The following PAQR3 variants were observed in gnomAD, a reference collection of about 807,000 sequenced individuals.
The protein encoded by PAQR3 is progestin and adipoQ receptor family member 3, also known as Raf kinase trapping to Golgi.
PAQR3 carries 39 observed loss-of-function variants against 41.7 expected under a neutral mutation model. The ratio of observed to expected loss-of-function variants is 0.93; its 90% CI spans 0.72 to 1.22. The LOEUF is 1.22. Among genes scored for constraint, PAQR3 ranks in the 50% most tolerant of loss-of-function variants. The probability of loss-of-function intolerance (pLI) is 0.00; values close to 1 mark genes in which losing one functional copy is unlikely to be tolerated. For synonymous variants in PAQR3, 140 were observed against 140.6 expected (o/e 1.00, Z 0.03); for missense variants, 366 against 385.6 (o/e 0.95, Z 0.42).
At position 78,939,360 on chromosome 4, in the gene PAQR3, G is replaced by T; in HGVS notation, c.-136C>A. 1 of 709,608 alleles carries T rather than the reference G, an allele frequency of 1.4e-6. No individual in the cohort carries two copies. Among genetic ancestry groups the T allele is most frequent in the Non-Finnish European group, 2.0e-6 (1 of 501,958 alleles). 44.0% of individuals were successfully genotyped at this position (709,608 alleles called of 1,614,324 possible). On this transcript the variant is annotated 5_prime_UTR_variant, in exon 1 of 6. Coordinates refer to ENST00000512733, the MANE Select transcript of PAQR3 (RefSeq NM_001040202.2). ...GAGGTCCTACCGCGCTGCCGCTGCT[G>T]CCCAGGGCCCGGCTCTGCGCTCACA...
intron 11 of PAQR3, among the ~76,000 whole-genome samples, chr4:78,888,349 C>G (rs562674983): frequency 1.3e-5 from 2 of 152,230 alleles, no homozygotes; most frequent in Admixed American, 1.3e-4. Flanking sequence ...CCTTATACCC[C>G]CAATACCCTG....
At chr4:78,887,305 C>A in exon 13 of PAQR3, 1 of 1,501,448 alleles carries the variant, frequency 6.7e-7, no homozygotes, top group Non-Finnish European at 9.2e-7. Context: ...CATGTAACAT[C>A]ATCACTGTCA....
At position 78,935,170 on chromosome 4, in the gene PAQR3, G is replaced by T; in HGVS notation, c.299C>A (p.Ala100Glu). The change falls in exon 2 of 6, where the codon GCG (alanine) becomes GAG (glutamate). Residue 100 changes from alanine to glutamate, a missense_variant. Transcript: ENST00000512733. ...ACAAATTACAAAATCTTCTCTGGACGCACTTGCTGAAGGTAACACAGATGT... is the reference window on the plus strand; with the variant it reads ...ACAAATTACAAAATCTTCTCTGGACTCACTTGCTGAAGGTAACACAGATGT... ...DMTSVLPSAS[A>E]SREDFVICSI... 1 of 1,613,688 alleles carries T rather than the reference G, an allele frequency of 6.2e-7. No homozygotes were observed. The highest frequency in any genetic ancestry group is 8.5e-7 in the Non-Finnish European group (1 of 1,179,766).
downstream of PAQR3, among the ~76,000 whole-genome samples, chr4:78,910,144 A>T (rs909769308): frequency 3.3e-5 from 5 of 152,254 alleles, no homozygotes; most frequent in Non-Finnish European, 5.9e-5. Context: ...ATTTAAAAAA[A>T]TAGTGAAACA....
At chr4:78,921,978 A>G (rs1735701066) in intron 5 of PAQR3, 1 of 983,972 alleles carries the variant, frequency 1.0e-6, no homozygotes, top group Non-Finnish European at 1.2e-6. Context: ...CCTATATTAA[A>G]CAATTGGTAA....
chr4:78,938,249 T>A (rs920208556), intron 1 of PAQR3, among the ~76,000 whole-genome samples: 2 of 152,218 alleles, frequency 1.3e-5, no homozygotes, highest in African/African-American at 4.8e-5. Flanking sequence ...TGTATTTTAG[T>A]ACAGGTAGTA....
chr4:78,909,533 C>T (rs575548169), downstream of PAQR3, among the ~76,000 whole-genome samples: 16 of 152,272 alleles, frequency 1.1e-4, no homozygotes, highest in African/African-American at 3.9e-4. Flanking sequence ...GTACCTGATC[C>T]TCCCTTGCTC....
Position 78,915,227 on chromosome 4 carries a change from A to G in PAQR3, c.*5312T>C, listed in dbSNP as rs1218580212. Reference sequence around the variant, plus strand: ...AGTCTTACCCTGTTTATTGTTTAAGAGTGATAGACTGTTGTCCTCTTGCTG... The same window carrying G: ...AGTCTTACCCTGTTTATTGTTTAAGGGTGATAGACTGTTGTCCTCTTGCTG... On this transcript the variant is annotated 3_prime_UTR_variant, in exon 6 of 6. Transcript: ENST00000512733. 1 of 151,960 alleles carries G rather than the reference A, an allele frequency of 6.6e-6. No homozygotes were observed. 9.4% of individuals were successfully genotyped at this position (151,960 alleles called of 1,614,324 possible). A position where few individuals can be genotyped will look rare whatever the true frequency, so the allele number is the denominator to read the frequency against.
downstream of PAQR3, chr4:78,910,920 TGAAGATGAG>T: frequency 6.2e-7 from 1 of 1,613,936 alleles, no homozygotes; most frequent in Non-Finnish European, 8.5e-7. Flanking sequence ...TCATGGATTC[TGAAGATGAG>T]GAAGAAGAGG....
intron 2 of PAQR3, 171 bp from the exon 3 acceptor site, chr4:78,930,496 C>A: frequency 2.2e-6 from 1 of 459,674 alleles, no homozygotes. Context: ...ACATGTAGAG[C>A]CATGTAGAGC....
Position 78,935,262 on chromosome 4 carries a change from C to T in PAQR3, c.207G>A (p.Glu69=), listed in dbSNP as rs375848091. The T allele has an allele frequency of 6.2e-7, 1 of 1,610,506 alleles. No individual in the cohort carries two copies. Among genetic ancestry groups the T allele is most frequent in the Non-Finnish European group, 8.5e-7 (1 of 1,179,132 alleles). The change falls in exon 2 of 6, where the codon GAG becomes GAA. Residue 69 remains glutamate, a synonymous_variant. Transcript: ENST00000512733. ...GCAAATGACTCCAGATGTTTACTGT[C>T]TCATTAGATAAAATAAACAAACTGG... ...CIKSLFILSN[E]TVNIWSHLLG...
downstream of PAQR3, chr4:78,910,762 G>A: frequency 6.2e-7 from 1 of 1,613,854 alleles, no homozygotes; most frequent in East Asian, 2.2e-5. Context: ...GGGGAATGAT[G>A]AATCTGAAAG....
rs530867757 is a variant in PAQR3 at position 78,921,838 on chromosome 4, T to G, written c.794-1157A>C. ...TCACTTTTCACTGGAAAGACTTAAT[T>G]TTTTAGTTTCCATATCTCCACTGCT... On this transcript the variant is annotated intron_variant, in intron 5 of 5. Coordinates refer to ENST00000512733, the MANE Select transcript of PAQR3 (RefSeq NM_001040202.2). 1.6e-4 allele frequency: 155 copies of G among 985,130 alleles called. No individual in the cohort carries two copies. In the African/African-American group the frequency reaches 2.5e-3, roughly 16 times the overall value. The allele number at this position is 985,130 out of a possible 1,614,324, so 61.0% of individuals were successfully genotyped here. A position where few individuals can be genotyped will look rare whatever the true frequency, so the allele number is the denominator to read the frequency against.
chr4:78,897,013 C>T (rs1349823008), intron 11 of PAQR3, among the ~76,000 whole-genome samples: 1 of 151,976 alleles, frequency 6.6e-6, no homozygotes, highest in Non-Finnish European at 1.5e-5. Context: ...TGATAGTTTC[C>T]TCTCTTGAAA....
At chr4:78,911,132 C>T (rs1560560276), downstream of PAQR3, 1 of 1,613,998 alleles carries the variant, frequency 6.2e-7, no homozygotes, top group East Asian at 2.2e-5. Context: ...GGCGCTGTCC[C>T]CTTCTTTGCA....
At chr4:78,938,945 G>T in intron 1 of PAQR3, 95 bp downstream of exon 1, 1 of 1,236,216 alleles carries the variant, frequency 8.1e-7, no homozygotes, top group Non-Finnish European at 1.1e-6. Context: ...GAAATGATGG[G>T]CAAGCAGAAA....
intron 11 of PAQR3, among the ~76,000 whole-genome samples, chr4:78,897,437 A>G (rs1010001179): frequency 1.3e-5 from 2 of 151,484 alleles, no homozygotes; most frequent in Admixed American, 1.3e-4. Context: ...TGTCTCTGCT[A>G]TAATTGAATT....
chr4:78,887,173 G>C lies in PAQR3; in HGVS notation c.*1061C>G, dbSNP rs764818149. On this transcript the variant is annotated 3_prime_UTR_variant and NMD_transcript_variant, in exon 13 of 13. Coordinates refer to the PAQR3 transcript ENST00000342820. ...TATTTCGTTTCATCTTATTTTTGCA[G>C]ATAGGCTCGAGGAGAGAGCATCCTC... The C allele has an allele frequency of 1.6e-5, 26 of 1,582,132 alleles. No individual in the cohort carries two copies. The East Asian group carries it at 5.8e-4, about 36-fold the overall frequency.
intron 5 of PAQR3, chr4:78,923,399 G>T: frequency 4.8e-6 from 1 of 206,800 alleles, no homozygotes; most frequent in Non-Finnish European, 9.7e-6. Context: ...TGTTACATAT[G>T]TATACAAGTG....
Sources: allele counts gnomAD v4.1 joint callset (sites outside exome capture counted in the v4.1 genomes callset), GRCh38; gene constraint gnomAD v4.1.1; transcripts MANE v1.5; gene names NCBI Gene and HGNC (gene_info 2026-07-23, HGNC 2026-07-21).